Variants in GTF3C5 observed in about 807,000 individuals in gnomAD.
GTF3C5 encodes the protein general transcription factor IIIC subunit 5.
GTF3C5 carries 47 observed loss-of-function variants against 61.0 expected under a neutral mutation model. The observed-to-expected ratio is 0.77, with a 90% CI of 0.61 to 0.98. The LOEUF is 0.98. GTF3C5 is among the 50% of genes least tolerant of loss of function. The probability of loss-of-function intolerance (pLI) is 0.00; values close to 1 mark genes in which losing one functional copy is unlikely to be tolerated. For synonymous variants in GTF3C5, 295 were observed against 275.4 expected (o/e 1.07, Z -0.71); for missense variants, 659 against 703.3 (o/e 0.94, Z 0.71).
intron 3 of GTF3C5, among the ~76,000 whole-genome samples, chr9:133,045,355 A>G (rs1248344672): frequency 6.6e-6 from 1 of 152,014 alleles, no homozygotes; most frequent in Non-Finnish European, 1.5e-5. Context: ...GGTCTCTCCC[A>G]CTCTGCAGGC....
At chr9:133,031,999 C>T (rs974816673) in intron 1 of GTF3C5, among the ~76,000 whole-genome samples, 1 of 152,106 alleles carries the variant, frequency 6.6e-6, no homozygotes, top group Non-Finnish European at 1.5e-5. Flanking sequence ...GAACAAAGAA[C>T]AGGGAAGCTG....
At chr9:133,054,275 G>A (rs1179196910) in intron 6 of GTF3C5, 133 bp from the exon 7 acceptor site, 5 of 707,302 alleles carry the variant, frequency 7.1e-6, no homozygotes, top group South Asian at 1.7e-5. Context: ...CCGCAGTGGC[G>A]TGCTTGGCAG....
intron 4 of GTF3C5, among the ~76,000 whole-genome samples, chr9:133,051,404 C>A (rs1467309055): frequency 6.6e-6 from 1 of 152,116 alleles, no homozygotes; most frequent in East Asian, 1.9e-4. Flanking sequence ...AGTCCTGCGT[C>A]CCCACTGGCA....
intron 4 of GTF3C5, among the ~76,000 whole-genome samples, chr9:133,051,192 T>G (rs1374255426): frequency 2.0e-5 from 3 of 152,080 alleles, no homozygotes; most frequent in African/African-American, 7.2e-5. Flanking sequence ...CTTCTTAGAG[T>G]TCTTAAGAAA....
At chr9:133,057,601 G>A (rs1361766461) in intron 10 of GTF3C5, among the ~76,000 whole-genome samples, 1 of 152,190 alleles carries the variant, frequency 6.6e-6, no homozygotes, top group African/African-American at 2.4e-5. Flanking sequence ...CCTTGAAGCT[G>A]CTCATGGCTC....
intron 1 of GTF3C5, among the ~76,000 whole-genome samples, chr9:133,038,228 C>G (rs1215909934): frequency 6.6e-6 from 1 of 152,126 alleles, no homozygotes; most frequent in African/African-American, 2.4e-5. Context: ...GGAACTCACT[C>G]AACCTGGATA....
chr9:133,054,353 T>G lies in GTF3C5; in HGVS notation c.989-55T>G, dbSNP rs1034712829. On this transcript the variant is annotated intron_variant, in intron 6 of 10. Coordinates refer to ENST00000372097, the MANE Select transcript of GTF3C5 (RefSeq NM_012087.4). ...CCCATCTCCAGTGTGAAGCCAGTGT[T>G]GTGTGCCGACGGGCCCTGTGCCCGC... The G allele has an allele frequency of 5.4e-5, 77 of 1,422,584 alleles. 1 individual carries two copies. In the Admixed American group the frequency reaches 1.3e-3, roughly 24 times the overall value. The allele number at this position is 1,422,584 out of a possible 1,614,324, so 88.1% of individuals were successfully genotyped here.
chr9:133,052,191 C>T, intron 5 of GTF3C5, 27 bp downstream of exon 5: 2 of 1,294,412 alleles, frequency 1.5e-6, no homozygotes, highest in Non-Finnish European at 2.2e-6. Flanking sequence ...CACCCACCTG[C>T]CTTGGTTTCC....
intron 4 of GTF3C5, among the ~76,000 whole-genome samples, chr9:133,051,645 G>A (rs1478623258): frequency 6.6e-6 from 1 of 152,142 alleles, no homozygotes; most frequent in Non-Finnish European, 1.5e-5. Flanking sequence ...ACTGACCTTT[G>A]CAGTCCTCCC....
At chr9:133,034,626 C>A (rs902808219) in intron 1 of GTF3C5, among the ~76,000 whole-genome samples, 3 of 152,086 alleles carry the variant, frequency 2.0e-5, no homozygotes, top group African/African-American at 7.2e-5. Context: ...CCGTTCGAAT[C>A]GCTGTTTCAG....
At chr9:133,031,659 A>G (rs1288892436) in intron 1 of GTF3C5, among the ~76,000 whole-genome samples, 2 of 152,224 alleles carry the variant, frequency 1.3e-5, no homozygotes, top group Admixed American at 6.5e-5. Context: ...AGAAGGGTGC[A>G]TCTTGCGGAT....
chr9:133,031,191 GA>G (rs1334649953), intron 1 of GTF3C5, 27 bp downstream of exon 1: 23 of 1,532,274 alleles, frequency 1.5e-5, no homozygotes, highest in African/African-American at 2.8e-5. Context: ...CTCGGTGTTG[GA>G]ATAAGAGCTC....
At chr9:133,046,249 T>G (rs535017759) in intron 3 of GTF3C5, among the ~76,000 whole-genome samples, 68 of 152,304 alleles carry the variant, frequency 4.5e-4, no homozygotes, top group African/African-American at 1.6e-3. Context: ...AAAGATTGGT[T>G]GAGCCCAGGA....
At chr9:133,034,330 A>G (rs1849808984) in intron 1 of GTF3C5, among the ~76,000 whole-genome samples, 1 of 152,130 alleles carries the variant, frequency 6.6e-6, no homozygotes, top group South Asian at 2.1e-4. Flanking sequence ...TGTCTGCGAT[A>G]TGGACATGGA....
chr9:133,030,856 C>T, upstream of GTF3C5: 1 of 833,242 alleles, frequency 1.2e-6, no homozygotes, highest in Non-Finnish European at 2.0e-6. Context: ...GGGCCATTTG[C>T]TCCCTGGAGG....
chr9:133,030,737 C>A, upstream of GTF3C5: 5 of 567,616 alleles, frequency 8.8e-6, no homozygotes, highest in South Asian at 9.9e-5. Context: ...CCCTCGCTGG[C>A]TAGTAGGAGA....
chr9:133,040,607 C>A (rs779103218), intron 1 of GTF3C5, among the ~76,000 whole-genome samples: 8 of 152,140 alleles, frequency 5.3e-5, no homozygotes, highest in South Asian at 2.1e-4. Context: ...CTAGAGGTAA[C>A]AGCAAGTCAG....
intron 1 of GTF3C5, among the ~76,000 whole-genome samples, chr9:133,041,803 A>G (rs1475075563): frequency 6.6e-6 from 1 of 152,192 alleles, no homozygotes; most frequent in Admixed American, 6.5e-5. Context: ...TCTCCCCTCA[A>G]GTGTTGCCAG....
At chr9:133,054,320 A>G (rs989349605) in intron 6 of GTF3C5, 88 bp from the exon 7 acceptor site, 1 of 1,110,080 alleles carries the variant, frequency 9.0e-7, no homozygotes, top group Non-Finnish European at 1.4e-6. Flanking sequence ...GGCCCCATGG[A>G]CCCAACTCCC....
Sources: gnomAD v4.1 joint callset for allele counts (sites outside exome capture counted in the v4.1 genomes callset) on GRCh38, gnomAD v4.1.1 for gene constraint, MANE v1.5 for transcripts, NCBI Gene and HGNC (gene_info 2026-07-23, HGNC 2026-07-21) for gene names.